Variants in FBXW5 observed in about 807,000 individuals in gnomAD.
The protein encoded by FBXW5 is F-box and WD repeat domain containing 5, also known as F-box/WD repeat-containing protein 5.
A neutral mutation model predicts 50.9 loss-of-function variants in FBXW5; 74 were observed. The ratio of observed to expected loss-of-function variants is 1.45; its 90% CI spans 1.20 to 1.76. The LOEUF is 1.76. Among genes scored for constraint, FBXW5 ranks in the 40% most tolerant of loss-of-function variants. FBXW5 has a pLI of 0.00. For synonymous variants in FBXW5, 523 were observed against 362.2 expected, an observed-to-expected ratio of 1.44 and a Z score of -5.04; for missense variants, 1,073 against 818.8, an observed-to-expected ratio of 1.31 and a Z score of -3.79.
At position 136,942,629 on chromosome 9, in the gene FBXW5, T is replaced by G. The variant is rs1379593380; in HGVS notation, c.593A>C (p.Glu198Ala). 1.9e-6 allele frequency: 3 copies of G among 1,609,702 alleles called. No individual in the cohort carries two copies. The highest frequency in any genetic ancestry group is 1.3e-5 in the African/African-American group (1 of 74,812). ...CAGGTTCCCCGAGATGAGGCTGGTC[T>G]CGGTGAGCCAACAGCCAAACACGTC... is the stretch of plus-strand genomic sequence containing the variant. ...PYDVFGCWLTETSLISGNLHR... is the reference protein window; with the variant it reads ...PYDVFGCWLTATSLISGNLHR... The change falls in exon 5 of 9, where the codon GAG (glutamate) becomes GCG (alanine). Residue 198 changes from glutamate to alanine, a missense_variant. By Grantham distance (107) the Glu-to-Ala change is moderately radical. Transcript: ENST00000325285.
At chr9:136,943,124 C>T in intron 3 of FBXW5, 181 bp from the exon 4 acceptor site, 1 of 1,092,516 alleles carries the variant, frequency 9.2e-7, no homozygotes, top group Middle Eastern at 3.0e-4. Context: ...GGAGCCTGCC[C>T]CTGAAGCAGG....
Position 136,943,875 on chromosome 9 carries a change from C to T in FBXW5, c.193+16G>A. 2.6e-6 allele frequency: 4 copies of T among 1,548,806 alleles called. No individual in the cohort carries two copies. The highest frequency in any genetic ancestry group is 2.6e-6 in the Non-Finnish European group (3 of 1,146,260). Reference sequence around the variant, plus strand: ...CTGGCTGCAGAACGTGGGTAGGGGCCCCACACGCCACTGACCTGGGTGTCG... The same window carrying T: ...CTGGCTGCAGAACGTGGGTAGGGGCTCCACACGCCACTGACCTGGGTGTCG... On this transcript the variant is annotated intron_variant, in intron 2 of 8. Coordinates refer to ENST00000325285, the MANE Select transcript of FBXW5 (RefSeq NM_018998.4).
In FBXW5 at chr9:136,942,708, C is replaced by G. The variant is rs368747499; in HGVS notation, c.527-13G>C. On this transcript the variant is annotated splice_polypyrimidine_tract_variant and intron_variant, in intron 4 of 8. Coordinates refer to ENST00000325285, the MANE Select transcript of FBXW5 (RefSeq NM_018998.4). The stretch of plus-strand genomic sequence containing the variant: ...AGCGCGAAGGAGTCTGTGGGGAGGC[C>G]GGGGCTGGACAGGCTGTCGGCGTGG... The G allele has an allele frequency of 1.2e-6, 2 of 1,609,906 alleles. No homozygotes were observed. Among genetic ancestry groups the G allele is most frequent in the Admixed American group, 1.7e-5 (1 of 59,742 alleles).
intron 7 of FBXW5, 29 bp downstream of exon 7, chr9:136,941,508 C>G: frequency 1.2e-6 from 2 of 1,605,792 alleles, no homozygotes; most frequent in Non-Finnish European, 1.7e-6. Flanking sequence ...CTGCGGGCAC[C>G]CCGCCTGGGA....
rs1157314887 is a variant in FBXW5 at position 136,941,669 on chromosome 9, A to G, written c.1112T>C (p.Leu371Pro). 2 of 1,562,312 alleles carry G rather than the reference A, an allele frequency of 1.3e-6. No individual in the cohort carries two copies. Among genetic ancestry groups the G allele is most frequent in the East Asian group, 2.4e-5 (1 of 41,578 alleles). The part of the protein sequence containing the change: ...SPHQIGIKQI[L>P]PHQMTTAGPV... ...CCCTGCCGTGGTCATCTGGTGTGGC[A>G]GGATCTGCTTGATGCCTGCAGGGAG... Residue 371 changes from leucine to proline, a missense_variant, in exon 7 of 9, where the codon CTG becomes CCG. Coordinates refer to ENST00000325285, the MANE Select transcript of FBXW5 (RefSeq NM_018998.4).
rs772304052 is a variant in FBXW5 at position 136,942,821 on chromosome 9, C to T, written c.474G>A (p.Val158=). The T allele has an allele frequency of 4.3e-6, 7 of 1,613,204 alleles. No homozygotes were observed. In the East Asian group the frequency reaches 1.3e-4, roughly 31 times the overall value. ...KDDSLLLASG[V]FLGPHNSSSG... is the part of the protein sequence containing the mutation. ...ATGAGGAGTTGTGCGGCCCCAGGAA[C>T]ACCCCCGAGGCCAGCAGTAGCGAGT... The change falls in exon 4 of 9, where the codon GTG becomes GTA. Residue 158 remains valine (V), a synonymous_variant. Coordinates refer to ENST00000325285, the MANE Select transcript of FBXW5 (RefSeq NM_018998.4).
intron 8 of FBXW5, 38 bp from the exon 9 acceptor site, chr9:136,941,209 G>T: frequency 6.3e-7 from 1 of 1,598,296 alleles, no homozygotes; most frequent in Non-Finnish European, 8.5e-7. Flanking sequence ...CCGCCCGCCC[G>T]CTGCTGCCCA....
At position 136,941,549 on chromosome 9, in the gene FBXW5, G is replaced by A. The variant is rs773478949; in HGVS notation, c.1232C>T (p.Ser411Leu). 1.4e-5 allele frequency: 22 copies of A among 1,610,616 alleles called. 1 individual carries two copies. The highest frequency in any genetic ancestry group is 6.6e-5 in the South Asian group (6 of 91,050). ...GCAAGAGGCCCACCTGTTGTCGGGC[G>A]ACAGGCCCATGCCGATGATGTGTCC... ...IHGHIIGMGL[S>L]PDNRYLYVNS... is the part of the protein sequence containing the mutation. Residue 411 changes from serine (S) to leucine (L), a missense_variant, in exon 7 of 9, where the codon TCG becomes TTG. Coordinates refer to ENST00000325285, the MANE Select transcript of FBXW5 (RefSeq NM_018998.4).
chr9:136,943,185 T>C (rs936263660), intron 3 of FBXW5, among the ~76,000 whole-genome samples, 164 bp downstream of exon 3: 1 of 151,992 alleles, frequency 6.6e-6, no homozygotes, highest in Non-Finnish European at 1.5e-5. Flanking sequence ...CCTGCACCGC[T>C]CCTGATCCTC....
Position 136,943,995 on chromosome 9 carries a change from C to G in FBXW5, c.89G>C (p.Gly30Ala), listed in dbSNP as rs779106259. The G allele has an allele frequency of 6.3e-7, 1 of 1,591,298 alleles. No individual in the cohort carries two copies. The highest frequency in any genetic ancestry group is 8.5e-7 in the Non-Finnish European group (1 of 1,170,150). Residue 30 changes from glycine (G) to alanine (A), a missense_variant, in exon 2 of 9, where the codon GGG becomes GCG. Coordinates refer to ENST00000325285, the MANE Select transcript of FBXW5 (RefSeq NM_018998.4). Reference sequence around the variant, plus strand: ...GGCCTGCCATTGGCGGCACACCAGCCCGGCGGCCAGCACGTCGGCCGGGCC... The same window carrying G: ...GGCCTGCCATTGGCGGCACACCAGCGCGGCGGCCAGCACGTCGGCCGGGCC... ...SLGPADVLAA[G>A]LVCRQWQAVS... is the part of the protein sequence containing the mutation.
rs922443910 is a variant in FBXW5 at position 136,940,823 on chromosome 9, G to A, written c.*105C>T. The A allele has an allele frequency of 2.1e-6, 3 of 1,449,768 alleles. No homozygotes were observed. Among genetic ancestry groups the A allele is most frequent in the South Asian group, 1.4e-5 (1 of 73,250 alleles). The allele number at this position is 1,449,768 out of a possible 1,614,324, so 89.8% of individuals were successfully genotyped here. On this transcript the variant is annotated 3_prime_UTR_variant, in exon 9 of 9. Coordinates refer to ENST00000325285, the MANE Select transcript of FBXW5 (RefSeq NM_018998.4). ...CGGGGCCTGGTTGTCCCCTTCCTAA[G>A]GCGTAACTGCTATAAGCATCTCCAC...
Position 136,942,160 on chromosome 9 carries a change from C to T in FBXW5, c.982G>A (p.Ala328Thr), listed in dbSNP as rs1412759515. ...LSERMLETKVAELLAQGHTKP... is the reference protein window; with the variant it reads ...LSERMLETKVTELLAQGHTKP... Reference sequence around the variant, plus strand: ...GTGTGGCCCTGGGCCAGCAGCTCGGCCACCTTGGTCTCTAGCATGCGCTCC... The same window carrying T: ...GTGTGGCCCTGGGCCAGCAGCTCGGTCACCTTGGTCTCTAGCATGCGCTCC... The change falls in exon 6 of 9, where the codon GCC (alanine) becomes ACC (threonine). Residue 328 changes from alanine (A) to threonine (T), a missense_variant. Ala to Thr is a moderately conservative substitution (Grantham distance 58). Transcript: ENST00000325285. The T allele has an allele frequency of 6.2e-7, 1 of 1,604,258 alleles. No homozygotes were observed. Among genetic ancestry groups the T allele is most frequent in the South Asian group, 1.1e-5 (1 of 89,694 alleles).
In FBXW5 at chr9:136,943,481, G is replaced by T; in HGVS notation, c.219C>A (p.Phe73Leu). 1.2e-6 allele frequency: 2 copies of T among 1,611,932 alleles called. No individual in the cohort carries two copies. Among genetic ancestry groups the T allele is most frequent in the Non-Finnish European group, 8.5e-7 (1 of 1,179,278 alleles). ...HPAAMSWYEE[F>L]QRLYDTVPCV... ...AGGGCACCGTGTCATACAGCCGCTG[G>T]AACTCCTCGTACCAGGACATGGCCG... The change falls in exon 3 of 9, where the codon TTC becomes TTA. Residue 73 changes from phenylalanine (F) to leucine (L), a missense_variant. Coordinates refer to ENST00000325285, the MANE Select transcript of FBXW5 (RefSeq NM_018998.4).
In FBXW5 at chr9:136,940,666, GGA is replaced by G; in HGVS notation, c.*260_*261del. 1.9e-6 allele frequency: 1 copy of G among 526,800 alleles called. No individual in the cohort carries two copies. The highest frequency in any genetic ancestry group is 3.4e-6 in the Non-Finnish European group (1 of 296,098). The allele number at this position is 526,800 out of a possible 1,614,324, so 32.6% of individuals were successfully genotyped here. Reference sequence around the variant, plus strand: ...GTACCCCTAGCCTGGGGTTGAGTGAGGAGCGGCACCCCCAGTATCCTGTGTAC... The same window carrying G: ...GTACCCCTAGCCTGGGGTTGAGTGAGGCGGCACCCCCAGTATCCTGTGTAC... On this transcript the variant is annotated 3_prime_UTR_variant, in exon 9 of 9. Transcript: ENST00000325285.
rs750358020 is a variant in FBXW5 at position 136,941,400 on chromosome 9, C to T, written c.1308G>A (p.Pro436=). 11 of 1,610,844 alleles carry T rather than the reference C, an allele frequency of 6.8e-6. No individual in the cohort carries two copies. Among genetic ancestry groups the T allele is most frequent in the South Asian group, 1.1e-5 (1 of 91,092 alleles). Residue 436 remains proline, a synonymous_variant, in exon 8 of 9, where the codon CCG becomes CCA. Transcript: ENST00000325285. ...NGAVVADPMQ[P]PPIAEEIDLL... ...GGTCAATCTCCTCCGCGATTGGTGGCGGCTGCATGGGGTCGGCCACCACCG... is the reference window on the plus strand; with the variant it reads ...GGTCAATCTCCTCCGCGATTGGTGGTGGCTGCATGGGGTCGGCCACCACCG...
At chr9:136,943,557 G>C (rs2131360389) in intron 2 of FBXW5, 51 bp from the exon 3 acceptor site, 1 of 1,563,030 alleles carries the variant, frequency 6.4e-7, no homozygotes, top group Non-Finnish European at 8.7e-7. Flanking sequence ...TCGCAGTCAC[G>C]GCCATGAGCC....
At position 136,943,256 on chromosome 9, in the gene FBXW5, C is replaced by T. The variant is rs967446331; in HGVS notation, c.351+93G>A. The T allele has an allele frequency of 7.9e-6, 10 of 1,267,914 alleles. 1 individual carries two copies. Among genetic ancestry groups the T allele is most frequent in the Non-Finnish European group, 1.0e-5 (9 of 902,058 alleles). The allele number at this position is 1,267,914 out of a possible 1,614,324, so 78.5% of individuals were successfully genotyped here. A position where few individuals can be genotyped will look rare whatever the true frequency, so the allele number is the denominator to read the frequency against. On this transcript the variant is annotated intron_variant, in intron 3 of 8. Coordinates refer to ENST00000325285, the MANE Select transcript of FBXW5 (RefSeq NM_018998.4). ...CACCTCTGGCCTGACCCACCCCCCCCCCCACCACCACCTGGTTGGAACGCC... is the reference window on the plus strand; with the variant it reads ...CACCTCTGGCCTGACCCACCCCCCCTCCCACCACCACCTGGTTGGAACGCC...
rs1307711602 is a variant in FBXW5 at position 136,943,754 on chromosome 9, G to A, written c.193+137C>T. ...GGGGCGCCTGCGCTGTGTCCTGACAGGCCTCTATCAGGGTGTGGGGGGGTG... is the reference window on the plus strand; with the variant it reads ...GGGGCGCCTGCGCTGTGTCCTGACAAGCCTCTATCAGGGTGTGGGGGGGTG... On this transcript the variant is annotated intron_variant, in intron 2 of 8. Coordinates refer to ENST00000325285, the MANE Select transcript of FBXW5 (RefSeq NM_018998.4). 3.6e-6 allele frequency: 4 copies of A among 1,097,176 alleles called. No individual in the cohort carries two copies. In the East Asian group the frequency reaches 7.8e-5, roughly 21 times the overall value. The allele number at this position is 1,097,176 out of a possible 1,614,324, so 68.0% of individuals were successfully genotyped here. A position where few individuals can be genotyped will look rare whatever the true frequency, so the allele number is the denominator to read the frequency against.
In FBXW5 at chr9:136,942,398, G is replaced by C; in HGVS notation, c.744C>G (p.Thr248=). The stretch of plus-strand genomic sequence containing the variant: ...AGTCGGCCACCATCACCGTGCGGAC[G>C]GTGCTGGCATTGAGGTTCTGGATCT... ...LFKIQNLNAS[T]VRTVMVADCS... The change falls in exon 6 of 9, where the codon ACC becomes ACG. Residue 248 remains threonine (T), a synonymous_variant. Transcript: ENST00000325285. The C allele has an allele frequency of 1.2e-6, 2 of 1,610,384 alleles. No individual in the cohort carries two copies. Among genetic ancestry groups the C allele is most frequent in the Non-Finnish European group, 8.5e-7 (1 of 1,178,214 alleles).
Sources: allele counts gnomAD v4.1 joint callset (sites outside exome capture counted in the v4.1 genomes callset), GRCh38; gene constraint gnomAD v4.1.1; transcripts MANE v1.5; gene names NCBI Gene and HGNC (gene_info 2026-07-23, HGNC 2026-07-21).